The following ADGRL2 variants were observed in gnomAD, a reference collection of about 807,000 sequenced individuals.
ADGRL2 encodes adhesion G protein-coupled receptor L2.
A neutral mutation model predicts 157.4 loss-of-function variants in ADGRL2; 44 were observed. That is an observed-to-expected ratio of 0.28 (90% CI 0.22 to 0.36). The LOEUF is 0.36. Ranked by LOEUF, ADGRL2 falls within the 10% of genes least tolerant of loss-of-function variation. The pLI, the probability that ADGRL2 is intolerant of heterozygous loss-of-function variation, is 1.00. For synonymous variants in ADGRL2, 585 were observed against 624.7 expected (o/e 0.94, Z 0.95); for missense variants, 1,510 against 1,768.9 (o/e 0.85, Z 2.63).
chr1:81,673,510 A>ATTTTTTTT (rs35732882), intron 3 of ADGRL2, among the ~76,000 whole-genome samples: 3 of 100,154 alleles, frequency 3.0e-5, no homozygotes, highest in Non-Finnish European at 5.8e-5. Context: ...TGTGCCTTCT[A>ATTTTTTTT]TTTTTTTTTT....
intron 2 of ADGRL2, among the ~76,000 whole-genome samples, chr1:81,842,566 C>T (rs2092634950): frequency 6.6e-6 from 1 of 151,786 alleles, no homozygotes; most frequent in South Asian, 2.1e-4. Flanking sequence ...CCATATTGGC[C>T]AGGCTGGTCT....
At chr1:81,950,885 TCAC>T in intron 7 of ADGRL2, 130 bp from the exon 8 acceptor site, 1 of 637,078 alleles carries the variant, frequency 1.6e-6, no homozygotes, top group South Asian at 1.9e-5. Context: ...CTACTTTTTG[TCAC>T]TTATTGTCAA....
chr1:81,410,211 A>G (rs1318269020), intron 1 of ADGRL2, among the ~76,000 whole-genome samples: 1 of 152,226 alleles, frequency 6.6e-6, no homozygotes, highest in Non-Finnish European at 1.5e-5. Context: ...GCATTCTGCC[A>G]TTCTTTTTTG....
rs2083328005 is a variant in ADGRL2 at position 81,691,321 on chromosome 1, TG to T, written c.-142-70489del. 1.6e-4 allele frequency among the ~76,000 whole-genome samples: 21 copies of T among 129,886 alleles called. 1 individual carries two copies. The South Asian group carries it at 4.8e-3, about 30-fold the overall frequency. The allele number at this position is 129,886 out of a possible 152,430, so 85.2% of individuals were successfully genotyped here. ...AGTAGTCATTGGTATCAGTTCTGCT[TG>T]TTTTCTTTTTTTTTTTAAGCCTATA... On this transcript the variant is annotated intron_variant, in intron 3 of 24. Coordinates refer to the ADGRL2 transcript ENST00000370721.
Position 81,941,995 on chromosome 1 carries a change from C to T in ADGRL2, c.398-39C>T, listed in dbSNP as rs754147701. ...TTTAATCTTTTTTCTTTTTTCCTTG[C>T]ACCTTTTTTATTTTTCTTCCTGATG... On this transcript the variant is annotated intron_variant, in intron 4 of 23. Transcript: ENST00000686636. 1.5e-4 allele frequency: 111 copies of T among 761,978 alleles called. 1 individual carries two copies. The highest frequency in any genetic ancestry group is 2.0e-5 in the Non-Finnish European group (8 of 409,524). 47.2% of individuals were successfully genotyped at this position (761,978 alleles called of 1,614,324 possible). A position where few individuals can be genotyped will look rare whatever the true frequency, so the allele number is the denominator to read the frequency against.
chr1:81,385,301 C>T (rs947361636), intron 1 of ADGRL2, among the ~76,000 whole-genome samples: 6 of 152,022 alleles, frequency 3.9e-5, no homozygotes, highest in Non-Finnish European at 8.8e-5. Flanking sequence ...ATAAGCCTAG[C>T]ATGAAAATAC....
intron 1 of ADGRL2, among the ~76,000 whole-genome samples, chr1:81,316,377 C>T (rs1179405266): frequency 1.3e-5 from 2 of 152,088 alleles, no homozygotes; most frequent in African/African-American, 4.8e-5. Flanking sequence ...AACAAAATTA[C>T]CTTTCCTCTG....
rs1481765218 is a variant in ADGRL2 at position 81,426,429 on chromosome 1, A to G, written c.-301-18607A>G. The G allele has an allele frequency of 8.2e-6, 3 of 367,512 alleles. No homozygotes were observed. In the East Asian group the frequency reaches 2.4e-4, roughly 30 times the overall value. The allele number at this position is 367,512 out of a possible 1,614,324, so 22.8% of individuals were successfully genotyped here. On this transcript the variant is annotated intron_variant, in intron 1 of 24. Coordinates refer to the ADGRL2 transcript ENST00000370721. ...AAATACTCAGTAGATAGTGAACTCG[A>G]GTCGGAAGAGGTGAGTCCGGTCTCA...
Position 81,990,813 on chromosome 1 carries a change from A to T in ADGRL2, c.4078A>T (p.Ser1360Cys). The change falls in exon 24 of 24, where the codon AGC (serine) becomes TGC (cysteine). Residue 1360 changes from serine to cysteine, a missense_variant. Transcript: ENST00000686636. ...GAAAGTGAAGTCCGAGGGAACTGACAGCTATGTCTCCCAACTGACAGCAGA... is the reference window on the plus strand; with the variant it reads ...GAAAGTGAAGTCCGAGGGAACTGACTGCTATGTCTCCCAACTGACAGCAGA... ...QKKVKSEGTD[S>C]YVSQLTAEAE... is the part of the protein sequence containing the mutation. 3 of 1,614,090 alleles carry T rather than the reference A, an allele frequency of 1.9e-6. No individual in the cohort carries two copies. Among genetic ancestry groups the T allele is most frequent in the Non-Finnish European group, 2.5e-6 (3 of 1,179,988 alleles).
intron 1 of ADGRL2, among the ~76,000 whole-genome samples, chr1:81,376,271 C>T (rs900102580): frequency 1.3e-5 from 2 of 152,138 alleles, no homozygotes. Context: ...CCTGTGGGGT[C>T]GCTTTTACTT....
intron 2 of ADGRL2, among the ~76,000 whole-genome samples, chr1:81,465,608 C>A (rs1396047137): frequency 6.6e-6 from 1 of 151,960 alleles, no homozygotes; most frequent in African/African-American, 2.4e-5. Context: ...AAAAATTTTT[C>A]TAGATCCCGC....
chr1:81,678,763 T>A (rs1428186585), intron 3 of ADGRL2, among the ~76,000 whole-genome samples: 2 of 152,152 alleles, frequency 1.3e-5, no homozygotes, highest in Non-Finnish European at 2.9e-5. Context: ...TGCTGTGAAT[T>A]TAATGAGAAG....
At chr1:81,539,431 T>C (rs893302705) in intron 2 of ADGRL2, among the ~76,000 whole-genome samples, 2 of 152,288 alleles carry the variant, frequency 1.3e-5, no homozygotes, top group African/African-American at 4.8e-5. Flanking sequence ...AACAATATCA[T>C]CAAACATTTC....
intron 1 of ADGRL2, among the ~76,000 whole-genome samples, chr1:81,327,829 C>T (rs1047812328): frequency 3.6e-4 from 54 of 152,050 alleles, no homozygotes; most frequent in Admixed American, 2.1e-3. Context: ...TACTAAATAC[C>T]GTTTAAAACG....
intron 2 of ADGRL2, among the ~76,000 whole-genome samples, chr1:81,478,225 C>T (rs188351098): frequency 2.6e-5 from 4 of 152,188 alleles, no homozygotes; most frequent in Non-Finnish European, 5.9e-5. Context: ...GTGGGAACAT[C>T]GGAGAGGTGA....
At chr1:81,383,808 C>CAAAAAAAA (rs56660027) in intron 1 of ADGRL2, among the ~76,000 whole-genome samples, 3 of 104,318 alleles carry the variant, frequency 2.9e-5, no homozygotes, top group Admixed American at 1.1e-4. Context: ...ACTAAAAATA[C>CAAAAAAAA]AAAAAAAAAA....
chr1:81,382,929 C>T (rs2076367662), intron 1 of ADGRL2, among the ~76,000 whole-genome samples: 1 of 152,164 alleles, frequency 6.6e-6, no homozygotes, highest in Non-Finnish European at 1.5e-5. Flanking sequence ...AAGATGCTTC[C>T]TGCAAGATCT....
At chr1:81,909,386 C>T (rs2094658626) in intron 3 of ADGRL2, among the ~76,000 whole-genome samples, 2 of 152,036 alleles carry the variant, frequency 1.3e-5, no homozygotes, top group Non-Finnish European at 2.9e-5. Flanking sequence ...AGACTTAAAA[C>T]ATAGAAACAG....
chr1:81,645,818 T>C (rs2082304954), intron 3 of ADGRL2, among the ~76,000 whole-genome samples: 1 of 152,154 alleles, frequency 6.6e-6, no homozygotes, highest in African/African-American at 2.4e-5. Context: ...ACTGATGCAT[T>C]GCACATCTTA....
Sources: gnomAD v4.1 joint callset for allele counts (sites outside exome capture counted in the v4.1 genomes callset) on GRCh38, gnomAD v4.1.1 for gene constraint, MANE v1.5 for transcripts, NCBI Gene and HGNC (gene_info 2026-07-23, HGNC 2026-07-21) for gene names.